The following MCM5 variants were observed in gnomAD, a reference collection of about 807,000 sequenced individuals.
MCM5 encodes the protein minichromosome maintenance complex component 5, also known as DNA replication licensing factor MCM5.
MCM5 carries 46 observed loss-of-function variants against 79.9 expected under a neutral mutation model. That is an observed-to-expected ratio of 0.58 (90% CI 0.45 to 0.74). MCM5 has a LOEUF of 0.74. Among genes scored for constraint, MCM5 ranks in the 30% least tolerant of loss-of-function variants. The pLI is 0.00. For missense variants in MCM5, 883 were observed against 1,017.0 expected (o/e 0.87, Z 1.79); for synonymous variants, 404 against 390.5 (o/e 1.03, Z -0.41).
chr22:35,431,920 T>G, the MCM5 span, among the ~76,000 whole-genome samples: 1 of 152,192 alleles, frequency 6.6e-6, no homozygotes, highest in African/African-American at 2.4e-5. Flanking sequence ...CCCTCTCACT[T>G]TATGCCTGGT....
At chr22:35,402,101 G>T (rs866898554) in intron 2 of MCM5, among the ~76,000 whole-genome samples, 1 of 152,150 alleles carries the variant, frequency 6.6e-6, no homozygotes, top group African/African-American at 2.4e-5. Context: ...CAGTCACATG[G>T]GATGCTCTGC....
rs1932461480 is a variant in MCM5, at chr22:35,413,897, C to T, written c.1114C>T (p.Arg372Ter). 10 of 1,613,164 alleles carry T rather than the reference C, an allele frequency of 6.2e-6. No homozygotes were observed. The highest frequency in any genetic ancestry group is 2.2e-5 in the East Asian group (1 of 44,882). ...RKRLPDGLTR[R>*]GDINLLMLGD... ...CAGGCTCCCTGATGGACTTACTCGC[C>T]GAGGAGACATCAACCTGCTGATGCT... The change falls in exon 9 of 17, where the codon CGA (arginine) becomes TGA (stop). Residue 372 changes from arginine (R) to a stop codon, truncating the protein, a stop_gained. Transcript: ENST00000216122. LOFTEE classifies it high-confidence loss of function.
intron 2 of MCM5, 138 bp from the exon 3 acceptor site, chr22:35,403,069 G>A: frequency 7.0e-6 from 7 of 996,168 alleles, no homozygotes; most frequent in Non-Finnish European, 6.0e-6. Flanking sequence ...GGAATTAGAT[G>A]TGTGTTTGGG....
At chr22:35,420,243 G>T (rs1353991122) in intron 14 of MCM5, among the ~76,000 whole-genome samples, 1 of 152,194 alleles carries the variant, frequency 6.6e-6, no homozygotes, top group Non-Finnish European at 1.5e-5. Flanking sequence ...GTCTGAATTT[G>T]GCCTGGCTTC....
Position 35,410,847 on chromosome 22 carries a change from G to A in MCM5, c.856G>A (p.Gly286Ser). The change falls in exon 7 of 17, where the codon GGC (glycine) becomes AGC (serine). Residue 286 changes from glycine to serine, a missense_variant. Coordinates refer to ENST00000216122, the MANE Select transcript of MCM5 (RefSeq NM_006739.4). The part of the protein sequence containing the change: ...LTTSRGRDRV[G>S]VGIRSSYIRV... ...TACCAGCAGGGGCCGTGACAGGGTG[G>A]GCGTGGGCATCCGAAGCTCCTACAT... is the stretch of plus-strand genomic sequence containing the variant. 6.2e-7 allele frequency: 1 copy of A among 1,613,684 alleles called. No individual in the cohort carries two copies. Among genetic ancestry groups the A allele is most frequent in the Non-Finnish European group, 8.5e-7 (1 of 1,179,654 alleles).
chr22:35,438,856 T>TATCCATCCATCCATCCATCC, the MCM5 span, among the ~76,000 whole-genome samples: 3 of 109,492 alleles, frequency 2.7e-5, no homozygotes, highest in African/African-American at 3.8e-5. Flanking sequence ...TCCACCCACA[T>TATCCATCCATCCATCCATCC]ATCCATCCAT....
At chr22:35,443,144 C>T in the MCM5 span, among the ~76,000 whole-genome samples, 2 of 152,152 alleles carry the variant, frequency 1.3e-5, no homozygotes, top group Admixed American at 6.5e-5. Flanking sequence ...GCCACTCATT[C>T]GATTGCCACA....
chr22:35,407,879 G>A (rs1216112814), intron 5 of MCM5, among the ~76,000 whole-genome samples: 1 of 152,204 alleles, frequency 6.6e-6, no homozygotes, highest in East Asian at 1.9e-4. Flanking sequence ...TTTGTTCAGT[G>A]CTGTGCCCCC....
chr22:35,442,773 A>G, the MCM5 span, among the ~76,000 whole-genome samples: 1 of 152,216 alleles, frequency 6.6e-6, no homozygotes, highest in African/African-American at 2.4e-5. Context: ...CACCTTTGCC[A>G]TGGAAGGCGC....
intron 8 of MCM5, 42 bp from the exon 9 acceptor site, chr22:35,413,833 C>G (rs762637644): frequency 8.6e-7 from 1 of 1,164,310 alleles, no homozygotes; most frequent in African/African-American, 1.5e-5. Context: ...ATGCGATGCC[C>G]TCATGGATTC....
intron 13 of MCM5, among the ~76,000 whole-genome samples, chr22:35,419,522 CCATG>C (rs758595109): frequency 7.9e-5 from 12 of 152,200 alleles, no homozygotes; most frequent in Non-Finnish European, 1.8e-4. Flanking sequence ...CAGTGGGCCT[CCATG>C]CCGCTGTGAT....
chr22:35,428,625 C>CGT (rs1932792619), downstream of MCM5, among the ~76,000 whole-genome samples: 1 of 152,158 alleles, frequency 6.6e-6, no homozygotes, highest in Non-Finnish European at 1.5e-5. Context: ...TTGGCTTGCT[C>CGT]TAACAGAAGG....
chr22:35,400,960 C>T (rs900815497), intron 2 of MCM5, among the ~76,000 whole-genome samples: 22 of 152,120 alleles, frequency 1.4e-4, no homozygotes, highest in African/African-American at 5.3e-4. Context: ...GGTGGGACTA[C>T]CCCCGCCATC....
intron 2 of MCM5, among the ~76,000 whole-genome samples, chr22:35,402,356 T>G (rs2145781418): frequency 6.6e-6 from 1 of 151,274 alleles, no homozygotes; most frequent in African/African-American, 2.4e-5. Flanking sequence ...AGATGGAGTC[T>G]CGCTCTGTCA....
chr22:35,446,078 A>G, the MCM5 span, among the ~76,000 whole-genome samples: 1 of 152,246 alleles, frequency 6.6e-6, no homozygotes, highest in Non-Finnish European at 1.5e-5. Context: ...CTATCTGTTC[A>G]GCAAGTGCTT....
At chr22:35,434,687 C>T in the MCM5 span, among the ~76,000 whole-genome samples, 246 of 152,318 alleles carry the variant, frequency 1.6e-3, 3 homozygotes, top group African/African-American at 4.6e-4. Context: ...GAATGCCACA[C>T]GGGACACTGC....
Position 35,424,892 on chromosome 22 carries a change from C to T in MCM5, c.*637C>T, listed in dbSNP as rs924269270. The stretch of plus-strand genomic sequence containing the variant: ...TCTGTAAGCAGGCTGATACTAGAAC[C>T]TGCTTCACAGGGTTGTGCTTAGGGT... On this transcript the variant is annotated 3_prime_UTR_variant, in exon 17 of 17. Coordinates refer to ENST00000216122, the MANE Select transcript of MCM5 (RefSeq NM_006739.4). 6.6e-6 allele frequency: 1 copy of T among 152,264 alleles called. No homozygotes were observed. The highest frequency in any genetic ancestry group is 1.5e-5 in the Non-Finnish European group (1 of 68,058). 9.4% of individuals were successfully genotyped at this position (152,264 alleles called of 1,614,324 possible).
At chr22:35,408,171 T>C (rs1932272697) in intron 5 of MCM5, among the ~76,000 whole-genome samples, 1 of 152,220 alleles carries the variant, frequency 6.6e-6, no homozygotes, top group Non-Finnish European at 1.5e-5. Context: ...AGCAAGTTAA[T>C]GGAAGGACCC....
chr22:35,441,030 C>G, the MCM5 span, among the ~76,000 whole-genome samples: 2 of 147,610 alleles, frequency 1.4e-5, no homozygotes, highest in Non-Finnish European at 3.0e-5. Flanking sequence ...GCACTACAGC[C>G]TGGGCAATAA....
Sources: gnomAD v4.1 joint callset for allele counts (sites outside exome capture counted in the v4.1 genomes callset) on GRCh38, gnomAD v4.1.1 for gene constraint, MANE v1.5 for transcripts, NCBI Gene and HGNC (gene_info 2026-07-23, HGNC 2026-07-21) for gene names.